Variants in ELMO1 observed in about 807,000 individuals in gnomAD.
ELMO1 encodes the protein engulfment and cell motility protein 1.
ELMO1 carries 26 observed loss-of-function variants against 98.9 expected under a neutral mutation model. The ratio of observed to expected loss-of-function variants is 0.26; its 90% CI spans 0.19 to 0.36. The LOEUF (loss-of-function observed/expected upper bound fraction) is 0.36, where lower values mean the gene tolerates loss of function less well. Ranked by LOEUF, ELMO1 falls within the 10% of genes least tolerant of loss-of-function variation. The pLI, the probability that ELMO1 is intolerant of heterozygous loss-of-function variation, is 1.00. For synonymous variants in ELMO1, 346 were observed against 346.0 expected (o/e 1.00, Z 0.00); for missense variants, 627 against 935.2 (o/e 0.67, Z 4.30).
At chr7:37,241,122 T>A (rs1027197367) in intron 7 of ELMO1, among the ~76,000 whole-genome samples, 1 of 152,118 alleles carries the variant, frequency 6.6e-6, no homozygotes, top group Non-Finnish European at 1.5e-5. Context: ...GCTTCACGTA[T>A]TTTAAAACTT....
chr7:37,219,995 A>T (rs1793505901), intron 10 of ELMO1, among the ~76,000 whole-genome samples: 1 of 152,198 alleles, frequency 6.6e-6, no homozygotes, highest in South Asian at 2.1e-4. Context: ...ACCAGCTGAA[A>T]CTTTATTTTA....
chr7:37,206,502 T>G (rs1792630997), intron 13 of ELMO1, among the ~76,000 whole-genome samples: 1 of 152,208 alleles, frequency 6.6e-6, no homozygotes. Context: ...AGGAAAAATA[T>G]AAATATGCAG....
intron 15 of ELMO1, among the ~76,000 whole-genome samples, chr7:37,061,520 T>C (rs1796666351): frequency 6.6e-6 from 1 of 152,156 alleles, no homozygotes; most frequent in Admixed American, 6.5e-5. Context: ...CCGTCCTTTT[T>C]TCCGTCCACA....
chr7:37,389,645 T>C (rs1802979285), intron 1 of ELMO1, among the ~76,000 whole-genome samples: 1 of 152,174 alleles, frequency 6.6e-6, no homozygotes, highest in African/African-American at 2.4e-5. Flanking sequence ...GCAGGAATAA[T>C]AGCTTGGTCA....
Position 37,096,620 on chromosome 7 carries a change from C to A in ELMO1, c.1299G>T (p.Leu433Phe), listed in dbSNP as rs1256631098. The A allele has an allele frequency of 1.2e-6, 2 of 1,613,852 alleles. No homozygotes were observed. Residue 433 changes from leucine to phenylalanine, a missense_variant and splice_region_variant, in exon 15 of 22, where the codon TTG (leucine) becomes TTT (phenylalanine). Transcript: ENST00000310758. ...CATGTGGGAAATAAGTATACTTACG[C>A]AACTCGCCCACTTTCAAGATCTCAC... Reference protein sequence around the residue: ...MLCEILKVGELPSETCNDFHP... With the variant: ...MLCEILKVGEFPSETCNDFHP...
chr7:37,102,797 G>C (rs1269843282), intron 14 of ELMO1, among the ~76,000 whole-genome samples: 1 of 152,208 alleles, frequency 6.6e-6, no homozygotes, highest in African/African-American at 2.4e-5. Flanking sequence ...TGGAAGCTTA[G>C]ATGGCCTAAC....
intron 13 of ELMO1, among the ~76,000 whole-genome samples, chr7:37,194,751 C>T (rs998389455): frequency 3.3e-4 from 51 of 152,270 alleles, no homozygotes; most frequent in African/African-American, 1.1e-3. Context: ...TCATCTTCAG[C>T]GTCCTCTCCA....
chr7:37,136,050 A>G (rs1787242660), intron 13 of ELMO1, among the ~76,000 whole-genome samples: 1 of 152,216 alleles, frequency 6.6e-6, no homozygotes, highest in South Asian at 2.1e-4. Context: ...TCTGGAAACC[A>G]AGGACACACT....
At chr7:37,086,330 CTGTGTGTGTGTGTGTGTGTGTG>C (rs58906590) in intron 15 of ELMO1, among the ~76,000 whole-genome samples, 11 of 143,182 alleles carry the variant, frequency 7.7e-5, no homozygotes, top group African/African-American at 2.8e-4. Context: ...CAATACATGA[CTGTGTGTGTGTGTGTGTGTGTG>C]TGTGTGTGTG....
chr7:37,042,740 G>A (rs1246908220), intron 15 of ELMO1, among the ~76,000 whole-genome samples: 1 of 152,136 alleles, frequency 6.6e-6, no homozygotes, highest in African/African-American at 2.4e-5. Context: ...TACACTGGCT[G>A]TTCCCTTGGC....
At chr7:36,867,547 T>C (rs955554098) in intron 20 of ELMO1, among the ~76,000 whole-genome samples, 1 of 152,112 alleles carries the variant, frequency 6.6e-6, no homozygotes, top group Admixed American at 6.5e-5. Context: ...TTTCTTCTGC[T>C]TGCTTTAAGC....
intron 1 of ELMO1, among the ~76,000 whole-genome samples, chr7:37,411,042 C>T (rs993427784): frequency 1.3e-5 from 2 of 152,148 alleles, no homozygotes; most frequent in Non-Finnish European, 2.9e-5. Context: ...TAATAAAACC[C>T]GGAACAGCAA....
chr7:37,400,142 C>T (rs1459456975), intron 1 of ELMO1, among the ~76,000 whole-genome samples: 7 of 152,182 alleles, frequency 4.6e-5, no homozygotes, highest in Non-Finnish European at 8.8e-5. Flanking sequence ...GGGAGTTATA[C>T]ATTGTAAATG....
intron 4 of ELMO1, among the ~76,000 whole-genome samples, chr7:37,295,341 G>A (rs2130987843): frequency 6.6e-6 from 1 of 152,280 alleles, no homozygotes; most frequent in Middle Eastern, 3.4e-3. Flanking sequence ...GGCTGTACAA[G>A]TGTCAGTTAT....
chr7:36,935,179 G>A (rs1258750577), intron 16 of ELMO1, among the ~76,000 whole-genome samples: 2 of 152,154 alleles, frequency 1.3e-5, no homozygotes, highest in South Asian at 2.1e-4. Context: ...CAGTGAATAA[G>A]TCTCACGAGA....
chr7:37,258,016 T>G (rs1795778677), intron 6 of ELMO1, among the ~76,000 whole-genome samples: 1 of 150,814 alleles, frequency 6.6e-6, no homozygotes, highest in African/African-American at 2.4e-5. Context: ...ACGCCTGTAA[T>G]CCCAACACCT....
Position 37,285,333 on chromosome 7 carries a change from C to T in ELMO1, c.193-13451G>A, listed in dbSNP as rs760962971. The stretch of plus-strand genomic sequence containing the variant: ...TAACCAGCTTCTACTAGTTGTCAAT[C>T]ATTTACATTGGAATATACCCTGTTT... On this transcript the variant is annotated intron_variant, in intron 4 of 21. Coordinates refer to ENST00000310758, the MANE Select transcript of ELMO1 (RefSeq NM_014800.11). Among the ~76,000 whole-genome samples the T allele has an allele frequency of 6.6e-5, 10 of 152,324 alleles. No individual in the cohort carries two copies. The South Asian group carries it at 8.3e-4, about 13-fold the overall frequency.
Position 36,953,010 on chromosome 7 carries a change from C to T in ELMO1, c.1438-57993G>A, listed in dbSNP as rs375081240. Among the ~76,000 whole-genome samples, 47 of 127,678 alleles carry T rather than the reference C, an allele frequency of 3.7e-4. No individual in the cohort carries two copies. The Middle Eastern group carries it at 0.024, about 65-fold the overall frequency. The allele number at this position is 127,678 out of a possible 152,430, so 83.8% of individuals were successfully genotyped here. On this transcript the variant is annotated intron_variant, in intron 16 of 21. Transcript: ENST00000310758. ...TTTTTGAGATGGAGTCTCGCTCTGTCGCCCCAGCTAAAGTACAGTGGCGCG... is the reference window on the plus strand; with the variant it reads ...TTTTTGAGATGGAGTCTCGCTCTGTTGCCCCAGCTAAAGTACAGTGGCGCG...
chr7:37,163,928 G>C (rs1349784417), intron 13 of ELMO1, among the ~76,000 whole-genome samples: 1 of 152,186 alleles, frequency 6.6e-6, no homozygotes, highest in Admixed American at 6.5e-5. Context: ...CTTCCACATT[G>C]GTTGAACTAG....
Sources: gnomAD v4.1 joint callset for allele counts (sites outside exome capture counted in the v4.1 genomes callset) on GRCh38, gnomAD v4.1.1 for gene constraint, MANE v1.5 for transcripts, NCBI Gene and HGNC (gene_info 2026-07-23, HGNC 2026-07-21) for gene names.